The following CHSY3 variants were observed in gnomAD, a reference collection of about 807,000 sequenced individuals.
The protein encoded by CHSY3 is chondroitin sulfate synthase 3.
CHSY3 carries 35 observed loss-of-function variants against 67.2 expected under a neutral mutation model. The observed-to-expected ratio is 0.52, with a 90% CI of 0.40 to 0.69. The LOEUF is 0.69. CHSY3 is among the 30% of genes least tolerant of loss of function. The pLI is 0.00. For synonymous variants in CHSY3, 474 were observed against 434.7 expected (o/e 1.09, Z -1.12); for missense variants, 1,069 against 1,138.5 (o/e 0.94, Z 0.88).
chr5:129,909,383 A>G (rs1284108763), intron 2 of CHSY3, among the ~76,000 whole-genome samples: 4 of 152,032 alleles, frequency 2.6e-5, no homozygotes, highest in Non-Finnish European at 1.5e-5. Context: ...TTATGAAAAT[A>G]TGTTCCCTGT....
intron 2 of CHSY3, among the ~76,000 whole-genome samples, chr5:129,935,622 C>A (rs563768941): frequency 6.0e-4 from 91 of 152,274 alleles, no homozygotes; most frequent in Admixed American, 1.1e-3. Flanking sequence ...ATAGATGGAA[C>A]AGAAACCCCA....
chr5:130,123,741 C>T (rs1163546806), intron 2 of CHSY3, among the ~76,000 whole-genome samples: 1 of 152,070 alleles, frequency 6.6e-6, no homozygotes, highest in Non-Finnish European at 1.5e-5. Context: ...GAGACAGAGA[C>T]AGTGATGACA....
chr5:130,148,665 T>C lies in CHSY3; in HGVS notation c.1087-35564T>C, dbSNP rs114616816. ...TGATCAGTGATGTTGTTGAGCTTTTTTCATATGCTTATTGGCTATATGTAT... is the reference window on the plus strand; with the variant it reads ...TGATCAGTGATGTTGTTGAGCTTTTCTCATATGCTTATTGGCTATATGTAT... On this transcript the variant is annotated intron_variant, in intron 2 of 2. Transcript: ENST00000305031. Among the ~76,000 whole-genome samples, 1,458 of 152,354 alleles carry C rather than the reference T, an allele frequency of 9.6e-3. 20 individuals carry two copies. The highest frequency in any genetic ancestry group is 0.031 in the African/African-American group (1,303 of 41,590).
At chr5:129,911,495 A>G (rs913226898) in intron 2 of CHSY3, among the ~76,000 whole-genome samples, 2 of 152,202 alleles carry the variant, frequency 1.3e-5, no homozygotes, top group African/African-American at 4.8e-5. Context: ...TAATCCATGT[A>G]AAGCCCTTAA....
At chr5:129,907,140 G>C (rs1760336525) in intron 1 of CHSY3, among the ~76,000 whole-genome samples, 1 of 152,130 alleles carries the variant, frequency 6.6e-6, no homozygotes, top group Non-Finnish European at 1.5e-5. Flanking sequence ...ACATTTTGCA[G>C]GGAATTTATA....
At position 130,106,360 on chromosome 5, in the gene CHSY3, C is replaced by A. The variant is rs577962030; in HGVS notation, c.1087-77869C>A. On this transcript the variant is annotated intron_variant, in intron 2 of 2. Transcript: ENST00000305031. Reference sequence around the variant, plus strand: ...TAAATCCATTAATTTGTGTTATGGGCATATCACTCCCAGCAGTACAGGAGA... The same window carrying A: ...TAAATCCATTAATTTGTGTTATGGGAATATCACTCCCAGCAGTACAGGAGA... 1.1e-3 allele frequency among the ~76,000 whole-genome samples: 172 copies of A among 151,666 alleles called. 1 individual carries two copies. The highest frequency in any genetic ancestry group is 3.4e-3 in the Middle Eastern group (1 of 294).
At chr5:130,110,676 C>A (rs1767565416) in intron 2 of CHSY3, among the ~76,000 whole-genome samples, 1 of 151,788 alleles carries the variant, frequency 6.6e-6, no homozygotes, top group Non-Finnish European at 1.5e-5. Flanking sequence ...AACTCATTTT[C>A]ATTTTCATAT....
intron 2 of CHSY3, among the ~76,000 whole-genome samples, chr5:130,069,202 G>A (rs1765981135): frequency 6.6e-6 from 1 of 152,014 alleles, no homozygotes; most frequent in Admixed American, 6.6e-5. Flanking sequence ...CTTAGCCTGT[G>A]GTCGGTCATC....
chr5:130,132,433 A>G (rs1768511622), intron 2 of CHSY3, among the ~76,000 whole-genome samples: 1 of 151,116 alleles, frequency 6.6e-6, no homozygotes, highest in African/African-American at 2.4e-5. Context: ...GAACAAGAAG[A>G]AATAATAAGT....
At chr5:130,025,804 A>G (rs1764524581) in intron 2 of CHSY3, among the ~76,000 whole-genome samples, 1 of 152,106 alleles carries the variant, frequency 6.6e-6, no homozygotes, top group African/African-American at 2.4e-5. Flanking sequence ...CAAAGGCCCC[A>G]TGCATGTCCA....
intron 2 of CHSY3, among the ~76,000 whole-genome samples, chr5:130,015,818 A>G (rs1764203752): frequency 6.6e-6 from 1 of 152,206 alleles, no homozygotes; most frequent in South Asian, 2.1e-4. Context: ...CACAGCAAAG[A>G]CATAGACTCA....
chr5:130,180,333 A>G (rs1405004611), intron 2 of CHSY3, among the ~76,000 whole-genome samples: 3 of 152,072 alleles, frequency 2.0e-5, no homozygotes, highest in African/African-American at 7.2e-5. Flanking sequence ...TTTATTCCCT[A>G]TTGTTTTCTA....
intron 2 of CHSY3, among the ~76,000 whole-genome samples, chr5:130,012,511 C>T (rs1764096764): frequency 6.6e-6 from 1 of 152,176 alleles, no homozygotes; most frequent in Non-Finnish European, 1.5e-5. Flanking sequence ...CACAGTTCCA[C>T]ATGGCTAGGG....
rs191466248 is a variant in CHSY3 at position 129,928,590 on chromosome 5, C to T, written c.1086+20230C>T. ...ACCAGTATAGATACCTAACTAAATG[C>T]TGATCTGTAGCTCGGTGTGGTTCTA... On this transcript the variant is annotated intron_variant, in intron 2 of 2. Coordinates refer to ENST00000305031, the MANE Select transcript of CHSY3 (RefSeq NM_175856.5). Among the ~76,000 whole-genome samples the T allele has an allele frequency of 6.3e-3, 956 of 152,152 alleles. 15 individuals carry two copies. The highest frequency in any genetic ancestry group is 6.8e-3 in the Middle Eastern group (2 of 294).
At chr5:129,958,195 T>C (rs1762232739) in intron 2 of CHSY3, among the ~76,000 whole-genome samples, 1 of 152,194 alleles carries the variant, frequency 6.6e-6, no homozygotes, top group Non-Finnish European at 1.5e-5. Flanking sequence ...TTTTCTTTGC[T>C]ATCTTGAATT....
At chr5:130,020,445 ATATATATATATATATATTTT>A (rs1201098264) in intron 2 of CHSY3, among the ~76,000 whole-genome samples, 1,141 of 13,610 alleles carry the variant, frequency 0.084, 55 homozygotes, top group South Asian at 0.13. Flanking sequence ...ATATATATAT[ATATATATATATATATATTTT>A]TTTTTTTTTT....
intron 2 of CHSY3, among the ~76,000 whole-genome samples, chr5:130,083,702 C>T (rs1243188745): frequency 6.6e-6 from 1 of 151,958 alleles, no homozygotes; most frequent in East Asian, 1.9e-4. Context: ...TTCTAAAGTA[C>T]ATTATACTTC....
intron 2 of CHSY3, among the ~76,000 whole-genome samples, chr5:129,962,284 C>T (rs963916495): frequency 1.3e-5 from 2 of 151,878 alleles, no homozygotes; most frequent in East Asian, 1.9e-4. Flanking sequence ...TGAACAGAAA[C>T]CTAAGTCATT....
At chr5:129,971,079 A>G (rs544762751) in intron 2 of CHSY3, among the ~76,000 whole-genome samples, 1 of 152,008 alleles carries the variant, frequency 6.6e-6, no homozygotes, top group African/African-American at 2.4e-5. Context: ...AGAAAATAGT[A>G]TATTTGGAAT....
Sources: gnomAD v4.1 joint callset for allele counts (sites outside exome capture counted in the v4.1 genomes callset) on GRCh38, gnomAD v4.1.1 for gene constraint, MANE v1.5 for transcripts, NCBI Gene and HGNC (gene_info 2026-07-23, HGNC 2026-07-21) for gene names.